Variants in TCEAL4 observed in about 807,000 individuals in gnomAD.
TCEAL4 encodes transcription elongation factor A protein-like 4.
TCEAL4 carries 1 observed loss-of-function variant against 1.3 expected under a neutral mutation model. That is an observed-to-expected ratio of 0.79 (90% CI 0.28 to 3.76). The LOEUF (loss-of-function observed/expected upper bound fraction) is 3.76, where lower values mean the gene tolerates loss of function less well. Ranked by LOEUF, TCEAL4 falls within the 30% of genes most tolerant of loss-of-function variation. The probability of loss-of-function intolerance (pLI) is 0.18; values close to 1 mark genes in which losing one functional copy is unlikely to be tolerated. For synonymous variants in TCEAL4, 54 were observed against 50.7 expected (o/e 1.06, Z -0.28); for missense variants, 129 against 154.7 (o/e 0.83, Z 0.88).
upstream of TCEAL4, among the ~76,000 whole-genome samples, chrX:103,584,017 T>C (rs2073520968): frequency 9.1e-6 from 1 of 110,195 alleles, no homozygotes; most frequent in South Asian, 4.0e-4. Flanking sequence ...AACCTCTGCC[T>C]CTCGGGTTCA....
Position 103,587,425 on chromosome X carries a change from A to G in TCEAL4, c.*102A>G, listed in dbSNP as rs1705141377. The stretch of plus-strand genomic sequence containing the variant: ...CTAGCAGCCTTTTGACCTATCTGCA[A>G]TGCAGTGTTCTCAGTAGGAAATGTT... On this transcript the variant is annotated 3_prime_UTR_variant, in exon 3 of 3. Coordinates refer to ENST00000472484, the MANE Select transcript of TCEAL4 (RefSeq NM_001006935.3). 4 of 943,797 alleles carry G rather than the reference A, an allele frequency of 4.2e-6. No homozygotes were observed. Among genetic ancestry groups the G allele is most frequent in the Non-Finnish European group, 5.7e-6 (4 of 706,031 alleles). The allele number at this position is 943,797 out of a possible 1,213,427, so 77.8% of individuals were successfully genotyped here. A position where few individuals can be genotyped will look rare whatever the true frequency, so the allele number is the denominator to read the frequency against.
intron 2 of TCEAL4, chrX:103,577,277 T>C: frequency 2.7e-6 from 3 of 1,095,757 alleles, no homozygotes; most frequent in East Asian, 3.3e-5. Flanking sequence ...ATAGTAAAAG[T>C]ATGGAACATT....
upstream of TCEAL4, among the ~76,000 whole-genome samples, chrX:103,580,545 C>T (rs943424387): frequency 9.0e-6 from 1 of 111,239 alleles, no homozygotes; most frequent in Middle Eastern, 4.2e-3. Flanking sequence ...CTCTACCTCC[C>T]GAGAGCAATC....
chrX:103,584,570 T>C (rs375742737), upstream of TCEAL4, among the ~76,000 whole-genome samples: 55 of 112,051 alleles, frequency 4.9e-4, no homozygotes, highest in African/African-American at 1.8e-3. Context: ...CGTTATTAAG[T>C]GGCACGTGAC....
At chrX:103,585,391 G>T (rs769534236), upstream of TCEAL4, 10 of 861,673 alleles carry the variant, frequency 1.2e-5, no homozygotes, top group South Asian at 4.5e-4. Flanking sequence ...AAGAAAAAAA[G>T]GACAAAAGGG....
upstream of TCEAL4, among the ~76,000 whole-genome samples, chrX:103,585,075 T>C (rs2073528548): frequency 8.9e-6 from 1 of 112,945 alleles, no homozygotes; most frequent in South Asian, 3.6e-4. Context: ...AATTAATCGT[T>C]GTTTTATTTT....
At chrX:103,584,829 C>T (rs1319278815), upstream of TCEAL4, among the ~76,000 whole-genome samples, 5 of 112,505 alleles carry the variant, frequency 4.4e-5, no homozygotes, top group Non-Finnish European at 9.4e-5. Flanking sequence ...GGCAGGCCAA[C>T]TAGAGGCAAG....
chrX:103,585,694 G>C, intron 1 of TCEAL4, 70 bp downstream of exon 1: 2 of 1,165,041 alleles, frequency 1.7e-6, no homozygotes, highest in South Asian at 3.8e-5. Context: ...GTACGGCAGG[G>C]GGAAAGGCTG....
At chrX:103,586,037 A>C in intron 1 of TCEAL4, 182 bp from the exon 2 acceptor site, 2 of 1,082,806 alleles carry the variant, frequency 1.8e-6, no homozygotes, top group Non-Finnish European at 2.4e-6. Context: ...AGAGACCCAA[A>C]ATTAGTTTGG....
upstream of TCEAL4, chrX:103,585,494 G>A (rs1202737832): frequency 6.3e-6 from 7 of 1,115,173 alleles, no homozygotes; most frequent in Admixed American, 5.7e-5. Flanking sequence ...GAACTCCTGG[G>A]CTGCGGCATT....
exon 1 of TCEAL4, chrX:103,576,490 G>A (rs1372788350): frequency 1.4e-5 from 16 of 1,162,055 alleles, no homozygotes; most frequent in Non-Finnish European, 1.7e-5. Context: ...GAGGCCAGGC[G>A]CCGCAGCTCA....
At chrX:103,585,886 AT>A in intron 1 of TCEAL4, 1 of 1,055,437 alleles carries the variant, frequency 9.5e-7, no homozygotes. Flanking sequence ...CCCTCCGTCC[AT>A]TTTGGAGCCG....
At chrX:103,583,487 A>T (rs1272769389), upstream of TCEAL4, among the ~76,000 whole-genome samples, 1 of 112,631 alleles carries the variant, frequency 8.9e-6, no homozygotes, top group Non-Finnish European at 1.9e-5. Flanking sequence ...GATAGACTAG[A>T]TAAAGAAAAT....
chrX:103,585,355 ATTCT>A, upstream of TCEAL4: 17 of 712,520 alleles, frequency 2.4e-5, no homozygotes, highest in Non-Finnish European at 2.9e-5. Context: ...TTTCATTAAG[ATTCT>A]TTCTTTGATT....
rs763262764 is a variant in TCEAL4, at chrX:103,586,867, G to C, written c.192G>C (p.Lys64Asn). The C allele has an allele frequency of 6.7e-6, 8 of 1,197,531 alleles. No individual in the cohort carries two copies. In the South Asian group the frequency reaches 1.1e-4, roughly 16 times the overall value. Residue 64 changes from lysine to asparagine, a missense_variant, in exon 3 of 3, where the codon AAG (lysine) becomes AAC (asparagine). Transcript: ENST00000472484. ...AGGAAATGTTAAAGGATAAAGGAAA[G>C]CCAGAGAGTGAGGGAGAGGCAAAAG... Reference protein sequence around the residue: ...GDEEMLKDKGKPESEGEAKEG... With the variant: ...GDEEMLKDKGNPESEGEAKEG...
chrX:103,586,019 AAG>A (rs1400665393), intron 1 of TCEAL4, 198 bp from the exon 2 acceptor site: 4 of 1,076,123 alleles, frequency 3.7e-6, no homozygotes, highest in Non-Finnish European at 4.8e-6. Flanking sequence ...TCTGAGGAAG[AAG>A]GGCACAGAGA....
Position 103,586,750 on chromosome X carries a change from A to G in TCEAL4, c.75A>G (p.Gln25=). Residue 25 remains glutamine, a synonymous_variant, in exon 3 of 3, where the codon CAA becomes CAG. Coordinates refer to ENST00000472484, the MANE Select transcript of TCEAL4 (RefSeq NM_001006935.3). The stretch of plus-strand genomic sequence containing the variant: ...AGATGGAAAATGAAGAACAGCCACA[A>G]GACGAGAGAAAGCCAGAAGTAACTT... ...QGKMENEEQP[Q]DERKPEVTCT... 4 of 1,212,130 alleles carry G rather than the reference A, an allele frequency of 3.3e-6. No individual in the cohort carries two copies. Among genetic ancestry groups the G allele is most frequent in the African/African-American group, 1.7e-5 (1 of 57,933 alleles).
At chrX:103,583,343 T>C (rs1441200267), upstream of TCEAL4, among the ~76,000 whole-genome samples, 1 of 112,200 alleles carries the variant, frequency 8.9e-6, no homozygotes, top group South Asian at 3.7e-4. Flanking sequence ...ATCATTTGAC[T>C]GAGCAATCTC....
chrX:103,577,401 T>C (rs1193628337), intron 2 of TCEAL4, among the ~76,000 whole-genome samples: 1 of 112,071 alleles, frequency 8.9e-6, no homozygotes, highest in Non-Finnish European at 1.9e-5. Context: ...GACATGGGAA[T>C]GTTCTGAAGA....
Sources: gnomAD v4.1 joint callset for allele counts (sites outside exome capture counted in the v4.1 genomes callset) on GRCh38, gnomAD v4.1.1 for gene constraint, MANE v1.5 for transcripts, NCBI Gene and HGNC (gene_info 2026-07-23, HGNC 2026-07-21) for gene names.